The following ATP10B variants were observed in gnomAD, a reference collection of about 807,000 sequenced individuals.
ATP10B encodes ATPase phospholipid transporting 10B (putative).
ATP10B carries 122 observed loss-of-function variants against 141.2 expected under a neutral mutation model. That is an observed-to-expected ratio of 0.86 (90% CI 0.75 to 1.00). The LOEUF (loss-of-function observed/expected upper bound fraction) is 1.00, where lower values mean the gene tolerates loss of function less well. Among genes scored for constraint, ATP10B ranks in the 50% least tolerant of loss-of-function variants. The pLI, the probability that ATP10B is intolerant of heterozygous loss-of-function variation, is 0.00. For synonymous variants in ATP10B, 685 were observed against 692.0 expected (o/e 0.99, Z 0.16); for missense variants, 1,876 against 1,825.3 (o/e 1.03, Z -0.51).
chr5:160,822,995 T>TAC (rs1271121909), intron 1 of ATP10B, among the ~76,000 whole-genome samples: 1 of 76,524 alleles, frequency 1.3e-5, no homozygotes, highest in Non-Finnish European at 2.5e-5. Context: ...TATACATATA[T>TAC]ATATACATAT....
At chr5:160,846,471 A>G (rs1776125314) in intron 1 of ATP10B, among the ~76,000 whole-genome samples, 1 of 152,188 alleles carries the variant, frequency 6.6e-6, no homozygotes, top group Non-Finnish European at 1.5e-5. Flanking sequence ...ATTATTTTAC[A>G]AATGGGAGAA....
intron 1 of ATP10B, among the ~76,000 whole-genome samples, chr5:160,844,382 T>G (rs980797217): frequency 3.9e-5 from 6 of 152,116 alleles, no homozygotes; most frequent in Non-Finnish European, 8.8e-5. Flanking sequence ...AATTAACAAA[T>G]GACTATTCCA....
chr5:160,664,170 C>T (rs767765755), intron 7 of ATP10B, among the ~76,000 whole-genome samples: 1 of 152,164 alleles, frequency 6.6e-6, no homozygotes, highest in Non-Finnish European at 1.5e-5. Context: ...TTTGGAGAAG[C>T]CTGTCAGGGA....
chr5:160,655,254 A>T (rs1761400586), intron 7 of ATP10B, among the ~76,000 whole-genome samples: 1 of 151,942 alleles, frequency 6.6e-6, no homozygotes, highest in Admixed American at 6.6e-5. Flanking sequence ...CCTAGAAGAC[A>T]TTTTTTTGAT....
chr5:160,771,516 G>A (rs1561837099), intron 2 of ATP10B, among the ~76,000 whole-genome samples: 1 of 152,106 alleles, frequency 6.6e-6, no homozygotes. Context: ...AAAGGTATAT[G>A]TCCTTAAAAA....
At chr5:160,749,792 G>A (rs1768039507) in intron 2 of ATP10B, among the ~76,000 whole-genome samples, 2 of 152,174 alleles carry the variant, frequency 1.3e-5, no homozygotes, top group Admixed American at 6.5e-5. Context: ...GTAAGCATGT[G>A]TGTGGATCAC....
chr5:160,849,058 T>C (rs1383309202), intron 1 of ATP10B, among the ~76,000 whole-genome samples: 1 of 152,170 alleles, frequency 6.6e-6, no homozygotes, highest in African/African-American at 2.4e-5. Context: ...CCTGAGGTTT[T>C]GCCCTTCTAA....
chr5:160,606,943 A>G lies in ATP10B; in HGVS notation c.2982T>C (p.Ala994=), dbSNP rs1757428617. The G allele has an allele frequency of 1.9e-6, 3 of 1,614,086 alleles. No homozygotes were observed. The South Asian group carries it at 3.3e-5, about 18-fold the overall frequency. The part of the protein sequence containing the change: ...SITSEAVVPE[A]GLVIDGKTLN... ...ATGTCTTCCCATCGATGACCAATCCAGCTTCTGGAACCACAGCTTCTGAGG... is the reference window on the plus strand; with the variant it reads ...ATGTCTTCCCATCGATGACCAATCCGGCTTCTGGAACCACAGCTTCTGAGG... Residue 994 remains alanine (A), a synonymous_variant, in exon 19 of 26, where the codon GCT becomes GCC. Coordinates refer to ENST00000327245, the MANE Select transcript of ATP10B (RefSeq NM_025153.3).
At chr5:160,723,740 A>T (rs1225604137) in intron 2 of ATP10B, among the ~76,000 whole-genome samples, 1 of 152,098 alleles carries the variant, frequency 6.6e-6, no homozygotes, top group Non-Finnish European at 1.5e-5. Context: ...TGTTGCCTCC[A>T]CTAATACTAC....
intron 13 of ATP10B, among the ~76,000 whole-genome samples, chr5:160,625,001 G>A (rs573217583): frequency 2.6e-5 from 4 of 152,264 alleles, no homozygotes; most frequent in East Asian, 1.9e-4. Context: ...ATGACAGCTC[G>A]TATTCATGTG....
At chr5:160,634,797 T>C (rs577561512) in intron 11 of ATP10B, among the ~76,000 whole-genome samples, 191 bp from the exon 12 acceptor site, 1 of 152,334 alleles carries the variant, frequency 6.6e-6, no homozygotes, top group East Asian at 1.9e-4. Context: ...AACAGGTATG[T>C]CTTCTTTGAC....
the ATP10B span, among the ~76,000 whole-genome samples, chr5:160,888,936 A>G: frequency 2.1e-3 from 321 of 152,320 alleles, no homozygotes; most frequent in African/African-American, 7.4e-3. Flanking sequence ...ATAACACTCA[A>G]TGCAGTAACC....
At chr5:160,671,881 T>A (rs1762728729) in intron 6 of ATP10B, among the ~76,000 whole-genome samples, 1 of 151,890 alleles carries the variant, frequency 6.6e-6, no homozygotes, top group African/African-American at 2.4e-5. Context: ...AAACCCACAG[T>A]TTTTGCTGCT....
chr5:160,766,658 T>TG (rs1409553558), intron 2 of ATP10B, among the ~76,000 whole-genome samples: 1 of 152,082 alleles, frequency 6.6e-6, no homozygotes, highest in African/African-American at 2.4e-5. Context: ...GCTCGGGTGA[T>TG]GGGTGCACCA....
the ATP10B span, among the ~76,000 whole-genome samples, chr5:160,878,794 A>G: frequency 1.3e-5 from 2 of 151,732 alleles, no homozygotes; most frequent in Non-Finnish European, 3.0e-5. Flanking sequence ...AATGCTCATC[A>G]TCACTGGCCA....
chr5:160,769,755 G>C (rs575248186), intron 2 of ATP10B, among the ~76,000 whole-genome samples: 1 of 152,152 alleles, frequency 6.6e-6, no homozygotes, highest in South Asian at 2.1e-4. Flanking sequence ...ATTTTCAGTC[G>C]GTTGCCATAG....
intron 22 of ATP10B, among the ~76,000 whole-genome samples, chr5:160,597,234 A>G (rs1756766661): frequency 6.6e-6 from 1 of 152,228 alleles, no homozygotes; most frequent in Non-Finnish European, 1.5e-5. Context: ...CCTCAGAAAT[A>G]ATGCTGCATA....
rs1769322007 is a variant in ATP10B, at chr5:160,765,316, T to C, written c.-331+20243A>G. Among the ~76,000 whole-genome samples, 5 of 152,226 alleles carry C rather than the reference T, an allele frequency of 3.3e-5. No individual in the cohort carries two copies. The South Asian group carries it at 1.0e-3, about 32-fold the overall frequency. ...TCTGGAGACATCACATTAATCAACTTCAATCTATATTACAAGGATACAGTT... is the reference window on the plus strand; with the variant it reads ...TCTGGAGACATCACATTAATCAACTCCAATCTATATTACAAGGATACAGTT... On this transcript the variant is annotated intron_variant, in intron 2 of 25. Coordinates refer to ENST00000327245, the MANE Select transcript of ATP10B (RefSeq NM_025153.3).
chr5:160,919,810 C>T, the ATP10B span, among the ~76,000 whole-genome samples: 314 of 152,308 alleles, frequency 2.1e-3, 4 homozygotes, highest in African/African-American at 7.2e-3. Context: ...ACGACGGCGC[C>T]TTCCTGACTG....
Sources: allele counts gnomAD v4.1 joint callset (sites outside exome capture counted in the v4.1 genomes callset), GRCh38; gene constraint gnomAD v4.1.1; transcripts MANE v1.5; gene names NCBI Gene and HGNC (gene_info 2026-07-23, HGNC 2026-07-21).